Variants in THSD4 observed in about 807,000 individuals in gnomAD.
THSD4 encodes thrombospondin type 1 domain containing 4, also known as thrombospondin type-1 domain-containing protein 4.
Under a neutral mutation model 119.0 loss-of-function variants are expected in THSD4, and 69 were observed. The ratio of observed to expected loss-of-function variants is 0.58; its 90% CI spans 0.48 to 0.71. The LOEUF is 0.71. THSD4 is among the 30% of genes least tolerant of loss of function. The pLI is 0.00. For synonymous variants in THSD4, 524 were observed against 540.4 expected, an observed-to-expected ratio of 0.97 and a Z score of 0.42; for missense variants, 1,393 against 1,391.1, an observed-to-expected ratio of 1.00 and a Z score of -0.02.
intron 7 of THSD4, among the ~76,000 whole-genome samples, chr15:71,620,459 G>A (rs903479734): frequency 3.3e-5 from 5 of 151,712 alleles, no homozygotes; most frequent in African/African-American, 7.3e-5. Flanking sequence ...AACAAAATTC[G>A]CCGGGCATGG....
intron 7 of THSD4, among the ~76,000 whole-genome samples, chr15:71,500,403 A>G (rs975585768): frequency 2.6e-5 from 4 of 152,234 alleles, no homozygotes; most frequent in Non-Finnish European, 4.4e-5. Flanking sequence ...TCGTTTGCAA[A>G]TATTTTCCCC....
At chr15:71,459,168 T>C (rs1595788125) in intron 7 of THSD4, among the ~76,000 whole-genome samples, 1 of 148,094 alleles carries the variant, frequency 6.8e-6, no homozygotes, top group Admixed American at 6.7e-5. Context: ...TTCTTTTTTT[T>C]TTTTTTTTTT....
chr15:71,562,002 A>G (rs978491955), intron 7 of THSD4, among the ~76,000 whole-genome samples: 1 of 152,176 alleles, frequency 6.6e-6, no homozygotes, highest in Non-Finnish European at 1.5e-5. Context: ...TCATTATTTA[A>G]TAAGGAACCT....
At chr15:71,492,917 T>C (rs1470294287) in intron 7 of THSD4, among the ~76,000 whole-genome samples, 1 of 151,452 alleles carries the variant, frequency 6.6e-6, no homozygotes, top group Non-Finnish European at 1.5e-5. Flanking sequence ...TAGAACCATA[T>C]AATGAACTGT....
chr15:71,690,145 G>A (rs1010105049), intron 8 of THSD4, among the ~76,000 whole-genome samples: 23 of 152,340 alleles, frequency 1.5e-4, no homozygotes, highest in African/African-American at 5.5e-4. Flanking sequence ...GATCTTTGCA[G>A]AAGGGCCATC....
intron 7 of THSD4, among the ~76,000 whole-genome samples, chr15:71,614,697 G>A (rs908347948): frequency 1.3e-5 from 2 of 152,160 alleles, no homozygotes; most frequent in Non-Finnish European, 2.9e-5. Context: ...GGTCAATATT[G>A]GTTATGATCA....
At chr15:71,519,830 A>T (rs943530752) in intron 7 of THSD4, among the ~76,000 whole-genome samples, 1 of 152,194 alleles carries the variant, frequency 6.6e-6, no homozygotes, top group Non-Finnish European at 1.5e-5. Context: ...AGAGTGGGCA[A>T]GAAATGACTG....
intron 14 of THSD4, among the ~76,000 whole-genome samples, chr15:71,755,035 G>C (rs2053514285): frequency 1.3e-5 from 2 of 152,224 alleles, no homozygotes; most frequent in South Asian, 2.1e-4. Flanking sequence ...CCCATCTCCA[G>C]TGATAAGAAT....
intron 7 of THSD4, among the ~76,000 whole-genome samples, chr15:71,605,644 G>A (rs1336694163): frequency 1.3e-5 from 2 of 152,182 alleles, no homozygotes; most frequent in South Asian, 4.1e-4. Flanking sequence ...TGGGAAGAAC[G>A]GCTTTGGGAG....
At position 71,758,052 on chromosome 15, in the gene THSD4, TGG is replaced by T; in HGVS notation, c.2567_2568del (p.Trp856PhefsTer25). On this transcript the variant is annotated frameshift_variant, in exon 15 of 18. Transcript: ENST00000261862. LOFTEE classifies it high-confidence loss of function. The part of the protein sequence containing the change: ...DNGPCTGKVE[W>X]FAGSWSQCSI... ...CGGACCCTGCACGGGCAAGGTGGAG[TGG>T]TTTGCCGGGAGCTGGAGTCAGGTGA... 6.3e-7 allele frequency: 1 copy of T among 1,594,382 alleles called. No individual in the cohort carries two copies. Among genetic ancestry groups the T allele is most frequent in the Non-Finnish European group, 8.5e-7 (1 of 1,170,014 alleles).
chr15:71,650,551 C>T (rs2140979538), intron 7 of THSD4, among the ~76,000 whole-genome samples: 1 of 152,262 alleles, frequency 6.6e-6, no homozygotes, highest in South Asian at 2.1e-4. Context: ...ATGAATAACT[C>T]CTCCCTTCTC....
At position 71,332,892 on chromosome 15, in the gene THSD4, A is replaced by ATTTT; in HGVS notation, c.1015+76190_1015+76193dup. 1.7e-3 allele frequency among the ~76,000 whole-genome samples: 134 copies of ATTTT among 77,002 alleles called. 18 individuals carry two copies. Among genetic ancestry groups the ATTTT allele is most frequent in the African/African-American group, 4.3e-3 (108 of 24,942 alleles). 50.5% of individuals were successfully genotyped at this position (77,002 alleles called of 152,430 possible). The stretch of plus-strand genomic sequence containing the variant: ...TCTTAAAACATTGAGATTTTTTTAC[A>ATTTT]TTTTTTTTTTTTTTTTAGTTCATCA... On this transcript the variant is annotated intron_variant, in intron 6 of 17. Coordinates refer to ENST00000261862, the MANE Select transcript of THSD4 (RefSeq NM_024817.3).
rs1403589860 is a variant in THSD4, at chr15:71,180,612, T to G, written c.99+25680T>G. On this transcript the variant is annotated intron_variant, in intron 3 of 17. Transcript: ENST00000261862. ...AACTGTTAAAAATGAACTACTGATA[T>G]AAGCAACAACCGAAATAATTTCAGA... Among the ~76,000 whole-genome samples, 3 of 152,148 alleles carry G rather than the reference T, an allele frequency of 2.0e-5. No individual in the cohort carries two copies. The East Asian group carries it at 5.8e-4, about 29-fold the overall frequency.
At chr15:71,104,261 C>T (rs549976584) in intron 1 of THSD4, among the ~76,000 whole-genome samples, 2 of 138,888 alleles carry the variant, frequency 1.4e-5, no homozygotes, top group Non-Finnish European at 3.0e-5. Flanking sequence ...AGCAATAACT[C>T]TTTATTATAT....
At chr15:71,598,388 C>T (rs1339872299) in intron 7 of THSD4, among the ~76,000 whole-genome samples, 1 of 152,070 alleles carries the variant, frequency 6.6e-6, no homozygotes, top group Non-Finnish European at 1.5e-5. Flanking sequence ...TGACTATAGG[C>T]ATTGATGGGT....
intron 8 of THSD4, among the ~76,000 whole-genome samples, chr15:71,688,959 G>A (rs752128344): frequency 6.6e-6 from 1 of 151,936 alleles, no homozygotes; most frequent in Non-Finnish European, 1.5e-5. Context: ...CCATTTCCCT[G>A]CCTCCTCTCC....
chr15:71,733,227 T>C (rs1285740554), intron 10 of THSD4: 4 of 152,154 alleles, frequency 2.6e-5, no homozygotes, highest in Non-Finnish European at 5.9e-5. Flanking sequence ...CTGTAAAAAG[T>C]TGGTAAGCAG....
At chr15:71,641,248 A>G (rs1446175917) in intron 7 of THSD4, among the ~76,000 whole-genome samples, 2 of 152,038 alleles carry the variant, frequency 1.3e-5, no homozygotes, top group African/African-American at 2.4e-5. Context: ...CCCAATCACT[A>G]CGTGGGATCA....
chr15:71,521,314 A>G (rs188133598), intron 7 of THSD4, among the ~76,000 whole-genome samples: 13 of 152,332 alleles, frequency 8.5e-5, no homozygotes, highest in African/African-American at 2.9e-4. Flanking sequence ...TTAGTTTTCT[A>G]TTATTTTAAA....
Sources: gnomAD v4.1 joint callset for allele counts (sites outside exome capture counted in the v4.1 genomes callset) on GRCh38, gnomAD v4.1.1 for gene constraint, MANE v1.5 for transcripts, NCBI Gene and HGNC (gene_info 2026-07-23, HGNC 2026-07-21) for gene names.